RHOBTB1: variants seen among roughly 807,000 people sequenced by gnomAD.
RHOBTB1 encodes the protein Rho related BTB domain containing 1.
In RHOBTB1, 40 loss-of-function variants were observed where a neutral mutation model predicts 71.6. The observed-to-expected ratio is 0.56, with a 90% confidence interval of 0.43 to 0.73. RHOBTB1 has a LOEUF of 0.73. Among genes scored for constraint, RHOBTB1 ranks in the 30% least tolerant of loss-of-function variants. The pLI, the probability that RHOBTB1 is intolerant of heterozygous loss-of-function variation, is 0.00. For missense variants in RHOBTB1, 797 were observed against 894.0 expected (o/e 0.89, Z 1.38); for synonymous variants, 319 against 334.9 (o/e 0.95, Z 0.52).
rs370897719 is a variant in RHOBTB1, at chr10:60,994,243, C to T, written c.-163+7156G>A. Among the ~76,000 whole-genome samples the T allele has an allele frequency of 3.0e-4, 46 of 152,192 alleles. 1 individual carries two copies. Among genetic ancestry groups the T allele is most frequent in the Admixed American group, 1.6e-3 (25 of 15,284 alleles). ...AGGCTTGACCTCTGACCTCAGGGTACTTCTAGTCCAGTAAGGATGAGGATA... is the reference window on the plus strand; with the variant it reads ...AGGCTTGACCTCTGACCTCAGGGTATTTCTAGTCCAGTAAGGATGAGGATA... On this transcript the variant is annotated intron_variant, in intron 1 of 11. Coordinates refer to the RHOBTB1 transcript ENST00000357917.
At chr10:60,911,635 G>T in intron 2 of RHOBTB1, 83 bp from the exon 3 acceptor site, 2 of 1,162,658 alleles carry the variant, frequency 1.7e-6, no homozygotes, top group Non-Finnish European at 2.5e-6. Flanking sequence ...AGGGAGTTTT[G>T]CCTTCGTCCA....
chr10:60,979,371 G>A (rs558447261), intron 2 of RHOBTB1, among the ~76,000 whole-genome samples: 1 of 152,150 alleles, frequency 6.6e-6, no homozygotes, highest in South Asian at 2.1e-4. Context: ...CCTAGTTAAA[G>A]TTTATCAATG....
the RHOBTB1 span, among the ~76,000 whole-genome samples, chr10:60,861,022 C>A: frequency 7.2e-5 from 11 of 152,244 alleles, no homozygotes; most frequent in South Asian, 1.7e-3. Context: ...TCAGATCAAG[C>A]CTTTGGCAAG....
At chr10:60,946,179 GA>G (rs11344569), upstream of RHOBTB1, among the ~76,000 whole-genome samples, 70,607 of 143,840 alleles carry the variant, frequency 0.49, 17,039 homozygotes, top group East Asian at 0.73. Flanking sequence ...CTCCTTCTCA[GA>G]AAAAAAAAAA....
intron 4 of RHOBTB1, among the ~76,000 whole-genome samples, chr10:60,895,244 T>C (rs1241433329): frequency 6.6e-6 from 1 of 152,210 alleles, no homozygotes; most frequent in East Asian, 1.9e-4. Context: ...GAGGTTGTGC[T>C]GAGAGCAATA....
chr10:61,000,640 C>T (rs2087229494), intron 1 of RHOBTB1, among the ~76,000 whole-genome samples: 1 of 152,012 alleles, frequency 6.6e-6, no homozygotes, highest in Admixed American at 6.6e-5. Flanking sequence ...AAATAAAACT[C>T]AATTTAAACT....
rs192513814 is a variant in RHOBTB1, at chr10:60,976,225, A to C, written c.-62+9620T>G. Among the ~76,000 whole-genome samples the C allele has an allele frequency of 4.2e-3, 644 of 152,070 alleles. 1 individual carries two copies. The highest frequency in any genetic ancestry group is 7.1e-3 in the Non-Finnish European group (483 of 67,944). ...GCATTTCATTAGGATATTTTATTAC[A>C]TGGAAGGATTTTTTAAAGGAGAAAA... On this transcript the variant is annotated intron_variant, in intron 2 of 11. Coordinates refer to the RHOBTB1 transcript ENST00000357917.
chr10:60,872,905 A>C (rs1436880267), intron 9 of RHOBTB1, among the ~76,000 whole-genome samples: 3 of 151,996 alleles, frequency 2.0e-5, no homozygotes, highest in Non-Finnish European at 4.4e-5. Context: ...AAAATCAACT[A>C]TCTACTCCCC....
chr10:60,906,791 A>G (rs1252252674), intron 4 of RHOBTB1, among the ~76,000 whole-genome samples: 1 of 152,076 alleles, frequency 6.6e-6, no homozygotes, highest in Non-Finnish European at 1.5e-5. Flanking sequence ...CAATGAAGGA[A>G]ATTTTATAGG....
At chr10:60,917,788 CCTT>C (rs1408957417) in intron 2 of RHOBTB1, among the ~76,000 whole-genome samples, 3 of 152,116 alleles carry the variant, frequency 2.0e-5, no homozygotes, top group African/African-American at 7.2e-5. Flanking sequence ...ACACGCCACT[CCTT>C]CTTACCAACC....
At chr10:60,994,888 C>A (rs1461973775) in intron 1 of RHOBTB1, among the ~76,000 whole-genome samples, 1 of 152,006 alleles carries the variant, frequency 6.6e-6, no homozygotes, top group Non-Finnish European at 1.5e-5. Context: ...AGGCACCAAT[C>A]ACCCTGTCAC....
At chr10:60,911,137 T>C in intron 3 of RHOBTB1, 147 bp from the exon 4 acceptor site, 2 of 756,104 alleles carry the variant, frequency 2.6e-6, no homozygotes, top group Non-Finnish European at 4.3e-6. Flanking sequence ...TAAGTCTTAA[T>C]TCCCTTCCTG....
At chr10:60,912,234 CAT>C (rs1280860077) in intron 2 of RHOBTB1, among the ~76,000 whole-genome samples, 3 of 150,680 alleles carry the variant, frequency 2.0e-5, no homozygotes, top group South Asian at 2.1e-4. Context: ...TACACACACA[CAT>C]ATATATATGT....
intron 2 of RHOBTB1, among the ~76,000 whole-genome samples, chr10:60,928,049 A>G (rs1218574923): frequency 2.6e-5 from 4 of 152,184 alleles, no homozygotes; most frequent in Non-Finnish European, 5.9e-5. Context: ...GGATGTACAA[A>G]TAGCCAACAC....
intron 2 of RHOBTB1, among the ~76,000 whole-genome samples, chr10:60,976,808 T>C (rs1200997904): frequency 2.0e-5 from 3 of 152,034 alleles, no homozygotes; most frequent in Non-Finnish European, 4.4e-5. Context: ...TACTTTTTGG[T>C]TTCAAAAATA....
At chr10:60,882,205 A>T (rs1589169127) in intron 7 of RHOBTB1, among the ~76,000 whole-genome samples, 1 of 65,386 alleles carries the variant, frequency 1.5e-5, no homozygotes, top group African/African-American at 8.3e-5. Flanking sequence ...TTTTTTCTTA[A>T]AAAAAAAAAA....
At chr10:60,964,757 G>A (rs1177102185) in intron 2 of RHOBTB1, among the ~76,000 whole-genome samples, 2 of 151,960 alleles carry the variant, frequency 1.3e-5, no homozygotes, top group Admixed American at 6.6e-5. Context: ...AAAAATATGC[G>A]AAAATTTCCA....
At position 60,905,204 on chromosome 10, in the gene RHOBTB1, A is replaced by G. The variant is rs1008296655; in HGVS notation, c.296+5683T>C. On this transcript the variant is annotated intron_variant, in intron 4 of 10. Coordinates refer to ENST00000337910, the MANE Select transcript of RHOBTB1 (RefSeq NM_014836.5). ...GGTAGCTCATGCCTGTAATCCCAGC[A>G]CTTTGGGAAGCCAAGGCGGGCAGAT... Among the ~76,000 whole-genome samples the G allele has an allele frequency of 1.6e-4, 25 of 152,042 alleles. No individual in the cohort carries two copies. The Middle Eastern group carries it at 0.01, about 62-fold the overall frequency.
At chr10:60,918,411 C>T (rs113086561) in intron 2 of RHOBTB1, among the ~76,000 whole-genome samples, 3 of 152,276 alleles carry the variant, frequency 2.0e-5, no homozygotes, top group African/African-American at 2.4e-5. Flanking sequence ...GGAAGTTCTG[C>T]GCATGCCCAC....
Sources: gnomAD v4.1 joint callset for allele counts (sites outside exome capture counted in the v4.1 genomes callset) on GRCh38, gnomAD v4.1.1 for gene constraint, MANE v1.5 for transcripts, NCBI Gene and HGNC (gene_info 2026-07-23, HGNC 2026-07-21) for gene names.